MRPS28: variants seen among roughly 807,000 people sequenced by gnomAD.
MRPS28 encodes the protein mitochondrial ribosomal protein S28, also known as small ribosomal subunit protein bS1m.
In MRPS28, 7 loss-of-function variants were observed where a neutral mutation model predicts 10.8. That is an observed-to-expected ratio of 0.65 (90% CI 0.37 to 1.22). The LOEUF (loss-of-function observed/expected upper bound fraction) is 1.22, where lower values mean the gene tolerates loss of function less well. Ranked by LOEUF, MRPS28 falls within the 50% of genes most tolerant of loss-of-function variation. The pLI, the probability that MRPS28 is intolerant of heterozygous loss-of-function variation, is 0.02. For synonymous variants in MRPS28, 121 were observed against 93.3 expected (o/e 1.30, Z -1.71); for missense variants, 265 against 232.9 (o/e 1.14, Z -0.90).
chr8:79,928,736 C>G (rs1265228190), intron 2 of MRPS28, among the ~76,000 whole-genome samples: 1 of 151,260 alleles, frequency 6.6e-6, no homozygotes, highest in African/African-American at 2.4e-5. Context: ...CCACCATGCC[C>G]AGCCTAAGTA....
chr8:79,990,459 T>C (rs1388408115), intron 2 of MRPS28, among the ~76,000 whole-genome samples: 1 of 152,082 alleles, frequency 6.6e-6, no homozygotes, highest in Non-Finnish European at 1.5e-5. Context: ...TCACTACTAA[T>C]GTCAGCATAC....
At chr8:79,985,831 G>A (rs1586078110) in intron 2 of MRPS28, among the ~76,000 whole-genome samples, 3 of 151,862 alleles carry the variant, frequency 2.0e-5, no homozygotes, top group Non-Finnish European at 1.5e-5. Context: ...ATTCACAGCC[G>A]AATTCTACCA....
intron 2 of MRPS28, among the ~76,000 whole-genome samples, chr8:79,945,921 T>C (rs1586050821): frequency 6.6e-6 from 1 of 152,194 alleles, no homozygotes; most frequent in Admixed American, 6.5e-5. Flanking sequence ...TTCTAGATAC[T>C]AACCCATTTA....
At chr8:79,987,338 G>A (rs1240873235) in intron 2 of MRPS28, among the ~76,000 whole-genome samples, 2 of 152,120 alleles carry the variant, frequency 1.3e-5, no homozygotes, top group Non-Finnish European at 2.9e-5. Context: ...AGAAAACCTA[G>A]GCATTACCAT....
At chr8:79,929,608 G>T (rs1806404687) in intron 2 of MRPS28, among the ~76,000 whole-genome samples, 1 of 151,910 alleles carries the variant, frequency 6.6e-6, no homozygotes, top group Non-Finnish European at 1.5e-5. Flanking sequence ...TATATTGTAT[G>T]CCCCCACCCC....
At chr8:79,965,587 A>G (rs1807483628) in intron 2 of MRPS28, among the ~76,000 whole-genome samples, 1 of 152,050 alleles carries the variant, frequency 6.6e-6, no homozygotes, top group Non-Finnish European at 1.5e-5. Context: ...GTTTAGTAGG[A>G]GTCAAAAAGT....
chr8:79,991,660 T>A (rs562219066), intron 2 of MRPS28, among the ~76,000 whole-genome samples: 17 of 152,376 alleles, frequency 1.1e-4, no homozygotes, highest in African/African-American at 3.1e-4. Flanking sequence ...TAAATCTTGC[T>A]GTCATATATT....
chr8:80,013,145 A>C (rs935496690), intron 1 of MRPS28, among the ~76,000 whole-genome samples: 1 of 152,152 alleles, frequency 6.6e-6, no homozygotes. Context: ...CGAAAAAAAA[A>C]CCCTGAATAA....
chr8:80,007,109 G>A (rs1808873038), intron 1 of MRPS28, among the ~76,000 whole-genome samples: 1 of 152,150 alleles, frequency 6.6e-6, no homozygotes, highest in Admixed American at 6.5e-5. Flanking sequence ...ATGCAAGGCT[G>A]GTTCAACATA....
chr8:79,928,766 G>A (rs1280103919), intron 2 of MRPS28, among the ~76,000 whole-genome samples: 3 of 141,916 alleles, frequency 2.1e-5, no homozygotes, highest in Non-Finnish European at 4.6e-5. Flanking sequence ...AACACTACAG[G>A]CCAGGCATGG....
chr8:80,012,866 T>C (rs1396370868), intron 1 of MRPS28, among the ~76,000 whole-genome samples: 1 of 152,204 alleles, frequency 6.6e-6, no homozygotes, highest in African/African-American at 2.4e-5. Flanking sequence ...ATCATGCATA[T>C]GAGGACCATT....
At chr8:79,991,808 T>C (rs1200064120) in intron 2 of MRPS28, among the ~76,000 whole-genome samples, 3 of 152,138 alleles carry the variant, frequency 2.0e-5, no homozygotes, top group African/African-American at 7.2e-5. Context: ...TTCTCTTGAG[T>C]ATAGGCTGGG....
chr8:79,928,113 C>T (rs1429559615), intron 2 of MRPS28, among the ~76,000 whole-genome samples: 2 of 151,892 alleles, frequency 1.3e-5, no homozygotes, highest in Non-Finnish European at 2.9e-5. Context: ...AGCTTGAGTC[C>T]AAGAGTTTGA....
chr8:79,919,947 C>CTCCCCCT lies in MRPS28; in HGVS notation c.396-800_396-799insAGGGGGA, dbSNP rs1554567135. Among the ~76,000 whole-genome samples, 16 of 121,700 alleles carry CTCCCCCT rather than the reference C, an allele frequency of 1.3e-4. No individual in the cohort carries two copies. In the East Asian group the frequency reaches 2.4e-3, roughly 18 times the overall value. The allele number at this position is 121,700 out of a possible 152,430, so 79.8% of individuals were successfully genotyped here. A position where few individuals can be genotyped will look rare whatever the true frequency, so the allele number is the denominator to read the frequency against. On this transcript the variant is annotated intron_variant, in intron 2 of 2. Coordinates refer to ENST00000276585, the MANE Select transcript of MRPS28 (RefSeq NM_014018.3). ...TATCTCCTAATGCTATCCCTCCCCC[C>CTCCCCCT]ACCCCATAACAGGCCCCGGTGTGTG...
intron 2 of MRPS28, among the ~76,000 whole-genome samples, chr8:79,952,887 C>T (rs1266508354): frequency 1.3e-5 from 2 of 152,186 alleles, no homozygotes; most frequent in East Asian, 3.8e-4. Context: ...ACACAAATTT[C>T]ATCTGATTTT....
At chr8:79,962,334 T>C (rs1307787248) in intron 2 of MRPS28, among the ~76,000 whole-genome samples, 1 of 151,898 alleles carries the variant, frequency 6.6e-6, no homozygotes, top group African/African-American at 2.4e-5. Flanking sequence ...GGCAAGGGGG[T>C]ATGAGCTAAG....
intron 2 of MRPS28, among the ~76,000 whole-genome samples, chr8:79,966,541 C>A (rs917256952): frequency 1.1e-4 from 16 of 151,982 alleles, no homozygotes; most frequent in African/African-American, 3.4e-4. Flanking sequence ...TAATAATTCT[C>A]ATTTCTTTGA....
intron 1 of MRPS28, among the ~76,000 whole-genome samples, chr8:80,010,606 T>A (rs755827737): frequency 3.9e-5 from 6 of 152,342 alleles, no homozygotes; most frequent in East Asian, 1.9e-4. Context: ...GAAATCCACA[T>A]ATTAATGTAA....
chr8:79,995,546 T>C (rs1449007740), intron 2 of MRPS28, among the ~76,000 whole-genome samples: 1 of 152,168 alleles, frequency 6.6e-6, no homozygotes, highest in Non-Finnish European at 1.5e-5. Flanking sequence ...CTCGGCACCT[T>C]GATTGGTTCA....
Sources: gnomAD v4.1 joint callset for allele counts (sites outside exome capture counted in the v4.1 genomes callset) on GRCh38, gnomAD v4.1.1 for gene constraint, MANE v1.5 for transcripts, NCBI Gene and HGNC (gene_info 2026-07-23, HGNC 2026-07-21) for gene names.